The following LTBP4 variants were observed in gnomAD, a reference collection of about 807,000 sequenced individuals.
The protein encoded by LTBP4 is latent-transforming growth factor beta-binding protein 4.
A neutral mutation model predicts 180.2 loss-of-function variants in LTBP4; 93 were observed. That is an observed-to-expected ratio of 0.52 (90% CI 0.44 to 0.61). LTBP4 has a LOEUF of 0.61. LTBP4 is among the 20% of genes least tolerant of loss of function. LTBP4 has a pLI of 0.00. For synonymous variants in LTBP4, 947 were observed against 934.5 expected, an observed-to-expected ratio of 1.01 and a Z score of -0.24; for missense variants, 2,116 against 2,256.5, an observed-to-expected ratio of 0.94 and a Z score of 1.26.
chr19:40,606,575 C>A, intron 6 of LTBP4, 49 bp downstream of exon 6: 1 of 1,532,640 alleles, frequency 6.5e-7, no homozygotes. Flanking sequence ...TCCCTGCCCT[C>A]AGAAGTCCCA....
chr19:40,597,745 G>T (rs1180253085), upstream of LTBP4, among the ~76,000 whole-genome samples: 1 of 152,030 alleles, frequency 6.6e-6, no homozygotes, highest in Non-Finnish European at 1.5e-5. Flanking sequence ...TCTTGGGCGC[G>T]TAAGGAGGAA....
rs569765339 is a variant in LTBP4, at chr19:40,627,270, G to A, written c.4281G>A (p.Pro1427=). 3 of 1,560,236 alleles carry A rather than the reference G, an allele frequency of 1.9e-6. No individual in the cohort carries two copies. Among genetic ancestry groups the A allele is most frequent in the African/African-American group, 1.4e-5 (1 of 73,992 alleles). ...GESEAPAPPG[P]GTRWPYRSRD... is the part of the protein sequence containing the mutation. Reference sequence around the variant, plus strand: ...CTGAGGCTCCTGCGCCACCTGGCCCGGGCACCCGCTGGCCCTATCGGTCCC... The same window carrying A: ...CTGAGGCTCCTGCGCCACCTGGCCCAGGCACCCGCTGGCCCTATCGGTCCC... The change falls in exon 28 of 30, where the codon CCG becomes CCA. Residue 1427 remains proline (P), a synonymous_variant. Transcript: ENST00000396819.
At position 40,607,496 on chromosome 19, in the gene LTBP4, C is replaced by T. The variant is rs1228134837; in HGVS notation, c.1123C>T (p.Arg375Trp). ...CAGCCGCGTAGGCAAGGCCTGGGGCCGGGGCTGCCAGCTCTGCCCACCCTT... is the reference window on the plus strand; with the variant it reads ...CAGCCGCGTAGGCAAGGCCTGGGGCTGGGGCTGCCAGCTCTGCCCACCCTT... ...CCSRVGKAWG[R>W]GCQLCPPFGS... The change falls in exon 7 of 30, where the codon CGG becomes TGG. Residue 375 changes from arginine (R) to tryptophan (W), a missense_variant. Transcript: ENST00000396819. 1.9e-6 allele frequency: 3 copies of T among 1,612,230 alleles called. No individual in the cohort carries two copies. The highest frequency in any genetic ancestry group is 2.2e-5 in the East Asian group (1 of 44,872).
intron 1 of LTBP4, among the ~76,000 whole-genome samples, chr19:40,595,398 C>T (rs1274184288): frequency 6.6e-6 from 1 of 152,104 alleles, no homozygotes; most frequent in Non-Finnish European, 1.5e-5. Context: ...CTCCCCGAAG[C>T]TCTGTCCCTC....
upstream of LTBP4, among the ~76,000 whole-genome samples, chr19:40,598,036 TC>T (rs1017242974): frequency 7.2e-5 from 11 of 151,934 alleles, no homozygotes; most frequent in African/African-American, 2.7e-4. Flanking sequence ...GATCCAGGAT[TC>T]CCTATAGATC....
At chr19:40,600,098 G>A (rs1303085009), upstream of LTBP4, 3 of 1,259,942 alleles carry the variant, frequency 2.4e-6, no homozygotes, top group East Asian at 3.1e-5. This position sits in a 1 kb window ranked among gnomAD's most constrained non-coding sequence, Gnocchi z 4.4. Flanking sequence ...TACTGAAGCG[G>A]CGGCGGCCCC....
chr19:40,622,840 G>T lies in LTBP4; in HGVS notation c.3485-110G>T. ...TGGGCAGACATAAGGCTGAGAGGTG[G>T]GCACTAACAGGCACAGGGCCAGAGG... On this transcript the variant is annotated intron_variant, in intron 23 of 29. Transcript: ENST00000396819. The surrounding 1 kb of genome is among the most constrained non-coding windows in gnomAD (Gnocchi z 5.1). 3 of 1,370,076 alleles carry T rather than the reference G, an allele frequency of 2.2e-6. No homozygotes were observed. The highest frequency in any genetic ancestry group is 3.0e-6 in the Non-Finnish European group (3 of 1,000,022). 84.9% of individuals were successfully genotyped at this position (1,370,076 alleles called of 1,614,324 possible).
rs1182148773 is a variant in LTBP4 at position 40,611,856 on chromosome 19, C to T, written c.2054-3C>T. ...TCAGCCTCATTGGTCCCCTCTGCCC[C>T]AGATGTGGATGAGTGTGCCCGAAGC... On this transcript the variant is annotated splice_polypyrimidine_tract_variant and splice_region_variant and intron_variant, in intron 13 of 29. Coordinates refer to ENST00000396819, the MANE Select transcript of LTBP4 (RefSeq NM_001042545.2). This position sits in a 1 kb window ranked among gnomAD's most constrained non-coding sequence, Gnocchi z 4.4. The T allele has an allele frequency of 6.2e-7, 1 of 1,606,946 alleles. No individual in the cohort carries two copies. The highest frequency in any genetic ancestry group is 1.3e-5 in the African/African-American group (1 of 74,674).
chr19:40,603,021 T>TACCTA (rs2081435141), intron 1 of LTBP4, among the ~76,000 whole-genome samples: 1 of 152,090 alleles, frequency 6.6e-6, no homozygotes, highest in African/African-American at 2.4e-5. Flanking sequence ...CCCACACTCC[T>TACCTA]ACCTAAGGGA....
chr19:40,605,213 C>T lies in LTBP4; in HGVS notation c.429C>T (p.Arg143=). Residue 143 remains arginine, a synonymous_variant, in exon 2 of 30, where the codon CGC becomes CGT. Transcript: ENST00000396819. This position sits in a 1 kb window ranked among gnomAD's most constrained non-coding sequence, Gnocchi z 5.5. ...SVYTMPLANH[R]DDEHGVASMV... The stretch of plus-strand genomic sequence containing the variant: ...ACACTATGCCACTGGCCAACCACCG[C>T]GACGACGAGCACGGTGAGGAAAGGG... 1 of 1,596,386 alleles carries T rather than the reference C, an allele frequency of 6.3e-7. No homozygotes were observed. Among genetic ancestry groups the T allele is most frequent in the Non-Finnish European group, 8.5e-7 (1 of 1,171,624 alleles).
rs1312825645 is a variant in LTBP4, at chr19:40,605,677, G to A, written c.690+25G>A. 9.0e-6 allele frequency: 14 copies of A among 1,550,436 alleles called. No homozygotes were observed. The East Asian group carries it at 2.7e-4, about 30-fold the overall frequency. On this transcript the variant is annotated intron_variant, in intron 3 of 29. Coordinates refer to ENST00000396819, the MANE Select transcript of LTBP4 (RefSeq NM_001042545.2). The surrounding 1 kb of genome is among the most constrained non-coding windows in gnomAD (Gnocchi z 5.5). ...AGTGAGAGGAGGCCCGTGGGGAGGG[G>A]CCCGGAGCTTGCCTCCGCGCGGGGG... is the stretch of plus-strand genomic sequence containing the variant.
In LTBP4 at chr19:40,611,412, A is replaced by G; in HGVS notation, c.2053+18A>G. On this transcript the variant is annotated intron_variant, in intron 13 of 29. Transcript: ENST00000396819. This position sits in a 1 kb window ranked among gnomAD's most constrained non-coding sequence, Gnocchi z 4.4. Reference sequence around the variant, plus strand: ...CTGCCAAGGTGAGGGTGCTGAGCCCAGCCCTACTCCATCACTGTTTGCTGT... The same window carrying G: ...CTGCCAAGGTGAGGGTGCTGAGCCCGGCCCTACTCCATCACTGTTTGCTGT... 1 of 1,594,420 alleles carries G rather than the reference A, an allele frequency of 6.3e-7. No homozygotes were observed. Among genetic ancestry groups the G allele is most frequent in the Non-Finnish European group, 8.5e-7 (1 of 1,173,408 alleles).
Position 40,611,279 on chromosome 19 carries a change from G to C in LTBP4, c.1938G>C (p.Glu646Asp), listed in dbSNP as rs1369915707. Residue 646 changes from glutamate to aspartate, a missense_variant, in exon 13 of 30, where the codon GAG (glutamate) becomes GAC (aspartate). Physicochemically the swap from Glu to Asp is conservative, Grantham distance 45. This residue lies in a region of LTBP4 where 877 missense variants were observed against 873.6 expected (regional missense o/e 1.00). Coordinates refer to ENST00000396819, the MANE Select transcript of LTBP4 (RefSeq NM_001042545.2). The surrounding 1 kb of genome is among the most constrained non-coding windows in gnomAD (Gnocchi z 4.4). ...CGGCGTGTGAAGAGGATGTGGATGA[G>C]TGTGCCCAGGAGCCGCCGCCCTGTG... is the stretch of plus-strand genomic sequence containing the variant. ...RGSACEEDVD[E>D]CAQEPPPCGP... 6.2e-7 allele frequency: 1 copy of C among 1,612,302 alleles called. No homozygotes were observed. The highest frequency in any genetic ancestry group is 1.3e-5 in the African/African-American group (1 of 74,988).
intron 26 of LTBP4, among the ~76,000 whole-genome samples, chr19:40,625,305 TA>T (rs1568414601): frequency 0.011 from 310 of 28,902 alleles, 67 homozygotes; most frequent in Non-Finnish European, 0.013. Flanking sequence ...TATATATATA[TA>T]TATATATATA....
rs771869270 is a variant in LTBP4 at position 40,616,874 on chromosome 19, C to A, written c.2813-15C>A. On this transcript the variant is annotated splice_polypyrimidine_tract_variant and intron_variant, in intron 19 of 29. Transcript: ENST00000396819. ...AGGCCTTTGACTCCCCTTTCATCTCCTCCACACTCTGCAGATGTGGATGAG... is the reference window on the plus strand; with the variant it reads ...AGGCCTTTGACTCCCCTTTCATCTCATCCACACTCTGCAGATGTGGATGAG... The A allele has an allele frequency of 1.2e-6, 2 of 1,613,706 alleles. No homozygotes were observed. Among genetic ancestry groups the A allele is most frequent in the African/African-American group, 2.7e-5 (2 of 74,952 alleles).
At chr19:40,624,352 G>GC (rs2081609783) in intron 26 of LTBP4, among the ~76,000 whole-genome samples, 1 of 152,212 alleles carries the variant, frequency 6.6e-6, no homozygotes, top group Non-Finnish European at 1.5e-5. Context: ...TGGGTGAATA[G>GC]CCCCTACCTT....
chr19:40,623,544 T>C (rs1384710324), intron 24 of LTBP4, 60 bp from the exon 25 acceptor site: 2 of 1,564,754 alleles, frequency 1.3e-6, no homozygotes, highest in Non-Finnish European at 8.7e-7. Context: ...TCCCACGTCA[T>C]GCCCTCACAC....
rs186542648 is a variant in LTBP4, at chr19:40,622,780, G to A, written c.3484+113G>A. On this transcript the variant is annotated intron_variant, in intron 23 of 29. Coordinates refer to ENST00000396819, the MANE Select transcript of LTBP4 (RefSeq NM_001042545.2). The surrounding 1 kb of genome is among the most constrained non-coding windows in gnomAD (Gnocchi z 5.1). ...GACAGGGCCTTGAGGTACTAGTACT[G>A]TCAGGGCAAGGGCGAGCTGCCAGGC... 9.7e-6 allele frequency: 14 copies of A among 1,443,420 alleles called. No individual in the cohort carries two copies. Among genetic ancestry groups the A allele is most frequent in the East Asian group, 7.3e-5 (3 of 40,860 alleles). 89.4% of individuals were successfully genotyped at this position (1,443,420 alleles called of 1,614,324 possible).
chr19:40,627,511 G>A (rs1366102205), intron 28 of LTBP4, among the ~76,000 whole-genome samples, 156 bp downstream of exon 28: 21 of 152,196 alleles, frequency 1.4e-4, no homozygotes, highest in Non-Finnish European at 1.5e-5. Flanking sequence ...GCCCGGCAAA[G>A]AAAGAGAAGG....
Sources: allele counts gnomAD v4.1 joint callset (sites outside exome capture counted in the v4.1 genomes callset), GRCh38; gene constraint gnomAD v4.1.1; regional missense constraint gnomAD v4.1.1; non-coding constraint Gnocchi (gnomAD v3.1); transcripts MANE v1.5; gene names NCBI Gene and HGNC (gene_info 2026-07-23, HGNC 2026-07-21).